Variants in BTBD3 observed in about 807,000 individuals in gnomAD.
The protein encoded by BTBD3 is BTB/POZ domain-containing protein 3.
BTBD3 carries 14 observed loss-of-function variants against 41.6 expected under a neutral mutation model. The ratio of observed to expected loss-of-function variants is 0.34; its 90% confidence interval spans 0.22 to 0.53. BTBD3 has a LOEUF of 0.53. Among genes scored for constraint, BTBD3 ranks in the 20% least tolerant of loss-of-function variants. BTBD3 has a pLI of 0.95. For synonymous variants in BTBD3, 249 were observed against 233.7 expected (o/e 1.07, Z -0.60); for missense variants, 426 against 654.7 (o/e 0.65, Z 3.81).
At chr20:11,891,018 C>T in intron 1 of BTBD3, 2 of 965,730 alleles carry the variant, frequency 2.1e-6, no homozygotes, top group African/African-American at 1.8e-5. Flanking sequence ...CGGGACCGCC[C>T]GGGCAGGGGC....
At chr20:11,919,931 A>C in intron 3 of BTBD3, 95 bp downstream of exon 3, 1 of 1,070,012 alleles carries the variant, frequency 9.3e-7, no homozygotes, top group Non-Finnish European at 1.4e-6. Context: ...ATAACAGAAA[A>C]GAAGACTGAT....
At chr20:11,891,910 A>G in intron 1 of BTBD3, among the ~76,000 whole-genome samples, 1 of 152,154 alleles carries the variant, frequency 6.6e-6, no homozygotes, top group South Asian at 2.1e-4. Context: ...TGCACAGAGG[A>G]GTCGCTGGGG....
At chr20:11,918,957 TTTG>T in intron 1 of BTBD3, 126 bp from the exon 2 acceptor site, 1 of 662,124 alleles carries the variant, frequency 1.5e-6, no homozygotes, top group Non-Finnish European at 2.6e-6. Context: ...AGAACCTTTA[TTTG>T]TTGTTTTGCC....
chr20:11,906,982 A>C (rs2056858834), intron 1 of BTBD3, among the ~76,000 whole-genome samples: 1 of 152,122 alleles, frequency 6.6e-6, no homozygotes. Flanking sequence ...TTTTCACGTG[A>C]ATTGCTGAGA....
chr20:11,918,087 C>A lies in BTBD3; in HGVS notation c.-189C>A. The A allele has an allele frequency of 2.1e-6, 3 of 1,417,944 alleles. No homozygotes were observed. The highest frequency in any genetic ancestry group is 2.5e-5 in the East Asian group (1 of 40,434). The allele number at this position is 1,417,944 out of a possible 1,614,324, so 87.8% of individuals were successfully genotyped here. ...ATGATGGGGATATATTTAACAGACC[C>A]AGTACTGGATAAAACTTAAAGCCAG... is the stretch of plus-strand genomic sequence containing the variant. On this transcript the variant is annotated 5_prime_UTR_variant, in exon 1 of 4. Transcript: ENST00000378226.
At chr20:11,912,492 G>A (rs1212587773) in intron 1 of BTBD3, among the ~76,000 whole-genome samples, 1 of 152,176 alleles carries the variant, frequency 6.6e-6, no homozygotes, top group African/African-American at 2.4e-5. Flanking sequence ...CAGCAAAATG[G>A]GACCTGCTTG....
chr20:11,917,917 C>T lies in BTBD3; in HGVS notation c.-359C>T, dbSNP rs1236993031. 2.0e-6 allele frequency: 2 copies of T among 1,014,810 alleles called. No homozygotes were observed. Among genetic ancestry groups the T allele is most frequent in the African/African-American group, 3.5e-5 (2 of 57,904 alleles). The allele number at this position is 1,014,810 out of a possible 1,614,324, so 62.9% of individuals were successfully genotyped here. On this transcript the variant is annotated 5_prime_UTR_variant, in exon 1 of 4. Transcript: ENST00000378226. Reference sequence around the variant, plus strand: ...CACCACACAACTTCAGCCGGCTGAACAGACTCACGCAGCTCCAGCCCATCT... The same window carrying T: ...CACCACACAACTTCAGCCGGCTGAATAGACTCACGCAGCTCCAGCCCATCT...
intron 1 of BTBD3, among the ~76,000 whole-genome samples, chr20:11,911,943 G>A (rs928072567): frequency 6.6e-6 from 1 of 152,126 alleles, no homozygotes; most frequent in Non-Finnish European, 1.5e-5. Flanking sequence ...GTCATGGTAA[G>A]TGCCATATGG....
At chr20:11,906,254 C>CTTTTTTTTTTTT (rs3071747) in intron 1 of BTBD3, among the ~76,000 whole-genome samples, 1,190 of 36,242 alleles carry the variant, frequency 0.033, 351 homozygotes, top group Non-Finnish European at 0.043. Context: ...ATTATTACTC[C>CTTTTTTTTTTTT]TTTTTTTTTT....
intron 1 of BTBD3, among the ~76,000 whole-genome samples, chr20:11,903,453 A>C (rs1205806500): frequency 1.3e-5 from 2 of 152,124 alleles, no homozygotes; most frequent in African/African-American, 4.8e-5. Context: ...TGTCTACCTC[A>C]AAGCTCATTT....
intron 1 of BTBD3, among the ~76,000 whole-genome samples, chr20:11,896,539 A>G (rs1432123653): frequency 6.6e-6 from 1 of 152,220 alleles, no homozygotes; most frequent in Non-Finnish European, 1.5e-5. Context: ...TAATGGTGAT[A>G]ATGTACACAC....
intron 1 of BTBD3, among the ~76,000 whole-genome samples, chr20:11,900,116 C>T (rs909655799): frequency 6.6e-6 from 1 of 152,202 alleles, no homozygotes; most frequent in African/African-American, 2.4e-5. Context: ...GATTACCATG[C>T]ACATTGGAAA....
At chr20:11,913,372 C>G (rs960448585), upstream of BTBD3, 2 of 151,580 alleles carry the variant, frequency 1.3e-5, no homozygotes, top group South Asian at 4.2e-4. Flanking sequence ...CCTTCCATCT[C>G]ATTCCACAAG....
intron 1 of BTBD3, among the ~76,000 whole-genome samples, chr20:11,892,984 A>G (rs754067556): frequency 2.0e-5 from 3 of 152,316 alleles, no homozygotes; most frequent in South Asian, 2.1e-4. Flanking sequence ...AACAAAGGAA[A>G]GGCACAATTA....
intron 3 of BTBD3, among the ~76,000 whole-genome samples, chr20:11,922,322 A>G (rs1046640796): frequency 2.6e-5 from 4 of 152,148 alleles, no homozygotes; most frequent in African/African-American, 9.7e-5. Flanking sequence ...AATGTTGACT[A>G]TTCAATATGC....
chr20:11,899,480 T>C (rs936893941), intron 1 of BTBD3, among the ~76,000 whole-genome samples: 4 of 152,208 alleles, frequency 2.6e-5, no homozygotes, highest in African/African-American at 9.6e-5. Flanking sequence ...ATTTGATCTC[T>C]TGGACACTTC....
At chr20:11,911,400 A>C (rs942132938) in intron 1 of BTBD3, among the ~76,000 whole-genome samples, 1 of 152,232 alleles carries the variant, frequency 6.6e-6, no homozygotes, top group East Asian at 1.9e-4. Flanking sequence ...CTAGAAACCT[A>C]TAATTGGAAA....
At chr20:11,894,303 T>C (rs2056773458) in intron 1 of BTBD3, among the ~76,000 whole-genome samples, 1 of 152,236 alleles carries the variant, frequency 6.6e-6, no homozygotes, top group African/African-American at 2.4e-5. Context: ...GTTAGATTTA[T>C]AGCAGTGGAA....
chr20:11,906,203 A>C (rs1232481), intron 1 of BTBD3, among the ~76,000 whole-genome samples: 106,806 of 147,180 alleles, frequency 0.73, 39,272 homozygotes, highest in Non-Finnish European at 0.78. Context: ...AGTTTTGGCC[A>C]AAAATAAGTT....
Sources: allele counts gnomAD v4.1 joint callset (sites outside exome capture counted in the v4.1 genomes callset), GRCh38; gene constraint gnomAD v4.1.1; transcripts MANE v1.5; gene names NCBI Gene and HGNC (gene_info 2026-07-23, HGNC 2026-07-21).